Variants in CNTN5 observed in about 807,000 individuals in gnomAD.
CNTN5 encodes contactin-5.
CNTN5 carries 77 observed loss-of-function variants against 129.1 expected under a neutral mutation model. The ratio of observed to expected loss-of-function variants is 0.60; its 90% confidence interval spans 0.50 to 0.72. The LOEUF is 0.72. Among genes scored for constraint, CNTN5 ranks in the 30% least tolerant of loss-of-function variants. The pLI, the probability that CNTN5 is intolerant of heterozygous loss-of-function variation, is 0.00. For synonymous variants in CNTN5, 509 were observed against 465.6 expected (o/e 1.09, Z -1.20); for missense variants, 1,478 against 1,328.8 (o/e 1.11, Z -1.75).
chr11:99,048,835 G>A (rs1350825091), intron 1 of CNTN5, among the ~76,000 whole-genome samples: 1 of 152,098 alleles, frequency 6.6e-6, no homozygotes, highest in East Asian at 1.9e-4. Flanking sequence ...AGGTAAAAAT[G>A]GTTTCTATTC....
chr11:99,976,850 C>A (rs116865268), intron 8 of CNTN5, among the ~76,000 whole-genome samples: 1 of 152,216 alleles, frequency 6.6e-6, no homozygotes, highest in East Asian at 1.9e-4. Flanking sequence ...CCTACTTAAG[C>A]AAATTTCTGC....
intron 3 of CNTN5, among the ~76,000 whole-genome samples, chr11:99,557,037 T>C (rs1948696482): frequency 6.6e-6 from 1 of 151,294 alleles, no homozygotes; most frequent in Non-Finnish European, 1.5e-5. Flanking sequence ...TTTAAATCAG[T>C]ACCTATATTG....
chr11:99,898,805 C>T (rs1487924161), intron 6 of CNTN5, among the ~76,000 whole-genome samples: 1 of 151,648 alleles, frequency 6.6e-6, no homozygotes, highest in Non-Finnish European at 1.5e-5. Flanking sequence ...ACATAACATT[C>T]CCAAGTAATG....
intron 13 of CNTN5, among the ~76,000 whole-genome samples, chr11:100,111,502 A>G (rs1372084556): frequency 1.3e-5 from 2 of 152,214 alleles, no homozygotes; most frequent in Admixed American, 1.3e-4. Context: ...AGTTCAAGCG[A>G]GGTTAATATT....
chr11:100,165,176 G>A (rs1359895361), intron 13 of CNTN5, among the ~76,000 whole-genome samples: 1 of 151,700 alleles, frequency 6.6e-6, no homozygotes, highest in African/African-American at 2.4e-5. Context: ...AAGAATAGGA[G>A]ACTCAGATTC....
intron 13 of CNTN5, among the ~76,000 whole-genome samples, chr11:100,091,095 CTT>C (rs1944763656): frequency 6.6e-6 from 1 of 152,110 alleles, no homozygotes; most frequent in African/African-American, 2.4e-5. Flanking sequence ...TTGTCTTTCT[CTT>C]TGTCCCATTC....
chr11:99,963,811 G>T (rs1348699829), intron 8 of CNTN5, among the ~76,000 whole-genome samples: 4 of 152,098 alleles, frequency 2.6e-5, no homozygotes, highest in Non-Finnish European at 5.9e-5. Flanking sequence ...TCTTCCATTT[G>T]TTTGTATCCT....
chr11:99,778,648 C>T (rs182885177), intron 3 of CNTN5, among the ~76,000 whole-genome samples: 2 of 151,384 alleles, frequency 1.3e-5, no homozygotes, highest in East Asian at 3.9e-4. Flanking sequence ...AGGTTAAAGC[C>T]CTAATTGAGA....
At chr11:100,259,682 C>T (rs1245977749) in intron 17 of CNTN5, among the ~76,000 whole-genome samples, 4 of 152,062 alleles carry the variant, frequency 2.6e-5, no homozygotes, top group African/African-American at 7.2e-5. Context: ...GAAAAACCTG[C>T]TCCTGAATGA....
At chr11:99,619,051 T>G (rs897364735) in intron 3 of CNTN5, among the ~76,000 whole-genome samples, 1 of 152,096 alleles carries the variant, frequency 6.6e-6, no homozygotes, top group Admixed American at 6.6e-5. Context: ...GCTTATAAAA[T>G]CATTTAATGT....
At chr11:99,548,333 A>T (rs1948368722) in intron 2 of CNTN5, among the ~76,000 whole-genome samples, 1 of 152,184 alleles carries the variant, frequency 6.6e-6, no homozygotes, top group Admixed American at 6.5e-5. Context: ...GCAGCACTCA[A>T]AATTGAAAGA....
At chr11:99,539,619 G>A (rs74910741) in intron 2 of CNTN5, among the ~76,000 whole-genome samples, 12,662 of 151,940 alleles carry the variant, frequency 0.083, 613 homozygotes, top group African/African-American at 0.12. Context: ...ATGAGGAAGC[G>A]GAGTGTCAGA....
At chr11:99,515,956 A>T (rs1000642212) in intron 2 of CNTN5, among the ~76,000 whole-genome samples, 1 of 150,102 alleles carries the variant, frequency 6.7e-6, no homozygotes, top group East Asian at 1.9e-4. Context: ...TATGAAAAAA[A>T]AAAAACAAAA....
chr11:100,082,052 T>C (rs1372179323), intron 13 of CNTN5, among the ~76,000 whole-genome samples: 1 of 152,258 alleles, frequency 6.6e-6, no homozygotes, highest in East Asian at 1.9e-4. Context: ...GTCATAAATT[T>C]GGTAACAAGA....
At chr11:99,169,812 C>T (rs1861060888) in intron 1 of CNTN5, among the ~76,000 whole-genome samples, 1 of 152,018 alleles carries the variant, frequency 6.6e-6, no homozygotes. Flanking sequence ...TCAGAGATAA[C>T]ATAATGTATA....
chr11:100,038,871 T>G (rs1191690517), intron 9 of CNTN5, among the ~76,000 whole-genome samples: 1 of 152,164 alleles, frequency 6.6e-6, no homozygotes, highest in African/African-American at 2.4e-5. Flanking sequence ...TGTCTGCACG[T>G]GAGGTGGGTT....
chr11:99,519,264 A>G (rs1385013795), intron 2 of CNTN5, among the ~76,000 whole-genome samples: 1 of 152,038 alleles, frequency 6.6e-6, no homozygotes, highest in Non-Finnish European at 1.5e-5. Context: ...ACTTCTTTAT[A>G]GAAGCCCTCT....
chr11:100,204,541 T>C (rs1378072672), intron 15 of CNTN5, among the ~76,000 whole-genome samples: 1 of 150,244 alleles, frequency 6.7e-6, no homozygotes, highest in Non-Finnish European at 1.5e-5. Flanking sequence ...AGTAGTACAA[T>C]CTCAGCTCAC....
Position 99,659,193 on chromosome 11 carries a change from G to A in CNTN5, c.55+102924G>A, listed in dbSNP as rs555196195. Among the ~76,000 whole-genome samples the A allele has an allele frequency of 2.6e-5, 4 of 152,140 alleles. No homozygotes were observed. The South Asian group carries it at 6.2e-4, about 24-fold the overall frequency. On this transcript the variant is annotated intron_variant, in intron 3 of 24. Coordinates refer to ENST00000524871, the MANE Select transcript of CNTN5 (RefSeq NM_014361.4). Reference sequence around the variant, plus strand: ...CAGCAGCCATATCCTGTTAGGTGAGGACCTCTGAGAAGCAGAGAAAGTCAG... The same window carrying A: ...CAGCAGCCATATCCTGTTAGGTGAGAACCTCTGAGAAGCAGAGAAAGTCAG...
Sources: gnomAD v4.1 joint callset for allele counts (sites outside exome capture counted in the v4.1 genomes callset) on GRCh38, gnomAD v4.1.1 for gene constraint, MANE v1.5 for transcripts, NCBI Gene and HGNC (gene_info 2026-07-23, HGNC 2026-07-21) for gene names.